The following ING3 variants were observed in gnomAD, a reference collection of about 807,000 sequenced individuals.
ING3 encodes the protein inhibitor of growth family member 3, also known as inhibitor of growth protein 3.
ING3 carries 6 observed loss-of-function variants against 64.8 expected under a neutral mutation model. That is an observed-to-expected ratio of 0.09 (90% CI 0.05 to 0.18). ING3 has a LOEUF of 0.18. Ranked by LOEUF, ING3 falls within the 10% of genes least tolerant of loss-of-function variation. ING3 has a pLI of 1.00. For synonymous variants in ING3, 170 were observed against 173.7 expected, an observed-to-expected ratio of 0.98 and a Z score of 0.17; for missense variants, 310 against 489.7, an observed-to-expected ratio of 0.63 and a Z score of 3.46.
intron 10 of ING3, 98 bp downstream of exon 10, chr7:120,970,978 C>A: frequency 8.2e-7 from 1 of 1,224,780 alleles, no homozygotes. Flanking sequence ...ACTTAAAATA[C>A]CTTTGCTTTA....
rs796248087 is a variant in ING3 at position 120,976,191 on chromosome 7, C to T, written c.*1347C>T. The T allele has an allele frequency of 6.6e-6, 1 of 151,830 alleles. No homozygotes were observed. The highest frequency in any genetic ancestry group is 1.9e-4 in the East Asian group (1 of 5,200). The allele number at this position is 151,830 out of a possible 1,614,324, so 9.4% of individuals were successfully genotyped here. ...TTTAAAGTATAATATTGAGTCTGGT[C>T]GATAGAAAAATCCTTAACTTTTAAG... On this transcript the variant is annotated 3_prime_UTR_variant, in exon 12 of 12. Transcript: ENST00000315870.
intron 4 of ING3, chr7:120,956,520 G>A (rs1313816901): frequency 1.9e-6 from 2 of 1,044,372 alleles, no homozygotes; most frequent in East Asian, 9.3e-5. Flanking sequence ...AATGTGTCAT[G>A]TAGAGCCATG....
chr7:120,967,356 A>C (rs1796009593), intron 6 of ING3, 173 bp from the exon 7 acceptor site: 3 of 443,144 alleles, frequency 6.8e-6, no homozygotes, highest in Non-Finnish European at 1.2e-5. Context: ...TCTACTCTTA[A>C]TAAACATGTG....
Position 120,975,401 on chromosome 7 carries a change from T to C in ING3, c.*557T>C, listed in dbSNP as rs1288595475. The C allele has an allele frequency of 6.6e-6, 1 of 151,944 alleles. No homozygotes were observed. The highest frequency in any genetic ancestry group is 1.5e-5 in the Non-Finnish European group (1 of 68,016). 9.4% of individuals were successfully genotyped at this position (151,944 alleles called of 1,614,324 possible). A position where few individuals can be genotyped will look rare whatever the true frequency, so the allele number is the denominator to read the frequency against. ...AGGCTGAAGGAAATGGTTCATGTGA[T>C]AATGTGGGCTGGTATCCTCTAGAGT... is the stretch of plus-strand genomic sequence containing the variant. On this transcript the variant is annotated 3_prime_UTR_variant, in exon 12 of 12. Transcript: ENST00000315870.
chr7:120,963,563 T>C (rs1265243615), intron 4 of ING3, among the ~76,000 whole-genome samples: 1 of 152,184 alleles, frequency 6.6e-6, no homozygotes, highest in African/African-American at 2.4e-5. Flanking sequence ...ATTAGCTATA[T>C]GACCTTGGGC....
intron 7 of ING3, 50 bp from the exon 8 acceptor site, chr7:120,967,884 A>G (rs771221120): frequency 6.4e-7 from 1 of 1,572,820 alleles, no homozygotes; most frequent in Non-Finnish European, 8.7e-7. Flanking sequence ...TAGACTCACT[A>G]ACATTATGTT....
chr7:120,965,066 TTA>T (rs946272730), intron 5 of ING3, among the ~76,000 whole-genome samples: 2 of 152,212 alleles, frequency 1.3e-5, no homozygotes, highest in Non-Finnish European at 2.9e-5. Flanking sequence ...TTAAATCATT[TTA>T]TATCCACATA....
rs753960723 is a variant in ING3 at position 120,953,314 on chromosome 7, T to C, written c.111T>C (p.Asp37=). The change falls in exon 3 of 12, where the codon GAT becomes GAC. Residue 37 remains aspartate, a synonymous_variant. Transcript: ENST00000315870. The stretch of plus-strand genomic sequence containing the variant: ...TTTATTATGTCATAGATGCAATGGA[T>C]CAACTAGAACAAAGAGTCAGTGAAT... ...EMDLQVQNAM[D]QLEQRVSEFF... is the part of the protein sequence containing the mutation. 3 of 1,589,734 alleles carry C rather than the reference T, an allele frequency of 1.9e-6. No individual in the cohort carries two copies. The highest frequency in any genetic ancestry group is 2.6e-6 in the Non-Finnish European group (3 of 1,167,202).
intron 4 of ING3, among the ~76,000 whole-genome samples, chr7:120,961,699 T>C (rs1795936034): frequency 6.6e-6 from 1 of 152,206 alleles, no homozygotes; most frequent in South Asian, 2.1e-4. Flanking sequence ...ACAAGTAATG[T>C]TGGTAGAATA....
chr7:120,971,311 A>AG (rs1796067331), intron 10 of ING3, among the ~76,000 whole-genome samples: 1 of 152,206 alleles, frequency 6.6e-6, no homozygotes, highest in African/African-American at 2.4e-5. Flanking sequence ...CTCACATGAT[A>AG]GAGGGAGAAA....
chr7:120,957,831 C>T (rs1330011755), intron 4 of ING3, among the ~76,000 whole-genome samples: 3 of 152,308 alleles, frequency 2.0e-5, no homozygotes, highest in Admixed American at 2.0e-4. Context: ...GATGTGAGTT[C>T]AAACCCTAGC....
chr7:120,967,187 A>G (rs532223162), intron 6 of ING3, among the ~76,000 whole-genome samples: 20 of 152,370 alleles, frequency 1.3e-4, no homozygotes, highest in East Asian at 9.6e-4. Context: ...AAAAATGACT[A>G]TATCAGTACA....
chr7:120,955,621 C>T lies in ING3; in HGVS notation c.264C>T (p.Asp88=), dbSNP rs1584987793. 1 of 1,598,614 alleles carries T rather than the reference C, an allele frequency of 6.3e-7. No individual in the cohort carries two copies. The highest frequency in any genetic ancestry group is 2.2e-5 in the East Asian group (1 of 44,754). The change falls in exon 4 of 12, where the codon GAC becomes GAT. Residue 88 remains aspartate (D), a synonymous_variant. Coordinates refer to ENST00000315870, the MANE Select transcript of ING3 (RefSeq NM_019071.3). ...EKVQLANQIY[D]LVDRHLRKLD... Reference sequence around the variant, plus strand: ...TTCAGTTGGCAAACCAGATATATGACTTGGTAAGTAAAAGTAATGTGCATA... The same window carrying T: ...TTCAGTTGGCAAACCAGATATATGATTTGGTAAGTAAAAGTAATGTGCATA...
chr7:120,953,224 T>C (rs1795793660), intron 2 of ING3, 80 bp from the exon 3 acceptor site: 2 of 750,330 alleles, frequency 2.7e-6, no homozygotes, highest in South Asian at 3.9e-5. Context: ...TGTCAGATTT[T>C]TTCCCTCCCT....
chr7:120,962,825 A>T (rs1382133851), intron 4 of ING3, among the ~76,000 whole-genome samples: 3 of 151,356 alleles, frequency 2.0e-5, no homozygotes, highest in African/African-American at 7.3e-5. Context: ...ACAACTTCTG[A>T]CTCTTTTTGA....
chr7:120,958,403 C>G (rs180704738), intron 4 of ING3, among the ~76,000 whole-genome samples: 13 of 152,180 alleles, frequency 8.5e-5, no homozygotes, highest in African/African-American at 2.6e-4. Flanking sequence ...AAACTGGTAC[C>G]CGGTTCACAG....
rs1486795417 is a variant in ING3 at position 120,975,098 on chromosome 7, A to T, written c.*254A>T. The stretch of plus-strand genomic sequence containing the variant: ...GCCTTGGATTATTTCAGTGGCCAAC[A>T]TATGCAGACATTTGTACTCCTCAAC... On this transcript the variant is annotated 3_prime_UTR_variant, in exon 12 of 12. Transcript: ENST00000315870. The T allele has an allele frequency of 2.9e-5, 7 of 240,530 alleles. No homozygotes were observed. In the East Asian group the frequency reaches 5.6e-4, roughly 19 times the overall value. 14.9% of individuals were successfully genotyped at this position (240,530 alleles called of 1,614,324 possible).
chr7:120,954,715 G>A (rs908575403), intron 3 of ING3, among the ~76,000 whole-genome samples: 5 of 152,016 alleles, frequency 3.3e-5, no homozygotes, highest in Non-Finnish European at 7.4e-5. Flanking sequence ...GTACTCCATG[G>A]AAATTCATAG....
intron 4 of ING3, among the ~76,000 whole-genome samples, chr7:120,957,644 G>A (rs1007208963): frequency 4.6e-5 from 7 of 152,112 alleles, no homozygotes; most frequent in Non-Finnish European, 7.4e-5. Context: ...ATTGTATTGA[G>A]GGGAAAGCAT....
Sources: allele counts gnomAD v4.1 joint callset (sites outside exome capture counted in the v4.1 genomes callset), GRCh38; gene constraint gnomAD v4.1.1; transcripts MANE v1.5; gene names NCBI Gene and HGNC (gene_info 2026-07-23, HGNC 2026-07-21).